INTS4: variants seen among roughly 807,000 people sequenced by gnomAD.
The protein encoded by INTS4 is integrator complex subunit 4.
INTS4 carries 70 observed loss-of-function variants against 119.5 expected under a neutral mutation model. The ratio of observed to expected loss-of-function variants is 0.59; its 90% confidence interval spans 0.48 to 0.71. INTS4 has a LOEUF of 0.71. INTS4 is among the 30% of genes least tolerant of loss of function. INTS4 has a pLI of 0.00. For synonymous variants in INTS4, 316 were observed against 419.6 expected (o/e 0.75, Z 3.02); for missense variants, 867 against 1,173.2 (o/e 0.74, Z 3.81).
Position 77,981,573 on chromosome 11 carries a change from T to C in INTS4, c.250A>G (p.Asn84Asp). The change falls in exon 3 of 23, where the codon AAT (asparagine) becomes GAT (aspartate). Residue 84 changes from asparagine to aspartate, a missense_variant. Physicochemically the swap from Asn to Asp is conservative, Grantham distance 23. Around this residue, in one of 5 missense-constraint regions of INTS4, gnomAD observed 224 missense variants for 231.8 expected, o/e 0.97. Transcript: ENST00000534064. ...RILLEHYYKE[N>D]DPSVRLKIAS... is the part of the protein sequence containing the mutation. The stretch of plus-strand genomic sequence containing the variant: ...ATTTTCAGTCTCACAGATGGATCAT[T>C]CTCCTGGAAAAAAAGAAGCAATTGT... 2 of 1,529,856 alleles carry C rather than the reference T, an allele frequency of 1.3e-6. No homozygotes were observed. The highest frequency in any genetic ancestry group is 1.8e-6 in the Non-Finnish European group (2 of 1,126,554). 94.8% of individuals were successfully genotyped at this position (1,529,856 alleles called of 1,614,324 possible).
At chr11:77,878,351 G>C (rs1266719440), downstream of INTS4, among the ~76,000 whole-genome samples, 1 of 147,636 alleles carries the variant, frequency 6.8e-6, no homozygotes, top group East Asian at 2.0e-4. Context: ...GACACAGCAA[G>C]ACTCCATCTC....
intron 9 of INTS4, 29 bp from the exon 10 acceptor site, chr11:77,938,854 G>A (rs764645240): frequency 1.2e-5 from 19 of 1,534,806 alleles, no homozygotes; most frequent in Non-Finnish European, 1.8e-6. Context: ...ATTACCAATT[G>A]TAGGAGGTTC....
chr11:77,928,297 G>T (rs558707595), intron 11 of INTS4, 45 bp downstream of exon 11: 10 of 1,598,448 alleles, frequency 6.3e-6, no homozygotes, highest in East Asian at 2.2e-5. Context: ...TTTAACAGGG[G>T]GGGGTGAGGG....
At chr11:77,959,934 T>G (rs1954423815) in intron 6 of INTS4, among the ~76,000 whole-genome samples, 1 of 152,184 alleles carries the variant, frequency 6.6e-6, no homozygotes, top group Non-Finnish European at 1.5e-5. Context: ...TGACTTTTTT[T>G]TTATATGATC....
chr11:77,926,548 C>T (rs948448639), intron 11 of INTS4, among the ~76,000 whole-genome samples: 35 of 152,024 alleles, frequency 2.3e-4, no homozygotes, highest in African/African-American at 6.8e-4. Flanking sequence ...TGGCTCACAC[C>T]ATAATCCCAG....
chr11:77,951,511 T>C (rs1368525766), intron 8 of INTS4, among the ~76,000 whole-genome samples: 3 of 152,070 alleles, frequency 2.0e-5, no homozygotes, highest in Non-Finnish European at 4.4e-5. Context: ...CAAAAATTAA[T>C]TCAAGATGGA....
At chr11:77,916,179 G>C (rs192201494) in intron 15 of INTS4, among the ~76,000 whole-genome samples, 1 of 152,340 alleles carries the variant, frequency 6.6e-6, no homozygotes, top group East Asian at 1.9e-4. Context: ...CAATAAACTT[G>C]ACTAAGATCA....
intron 11 of INTS4, among the ~76,000 whole-genome samples, chr11:77,928,133 T>C (rs1449967530): frequency 2.0e-5 from 3 of 152,190 alleles, no homozygotes; most frequent in Non-Finnish European, 2.9e-5. Context: ...TCCCTAGGCA[T>C]CCTATCCTTT....
chr11:77,968,864 C>T (rs566152779), intron 4 of INTS4, among the ~76,000 whole-genome samples: 1 of 152,042 alleles, frequency 6.6e-6, no homozygotes, highest in Non-Finnish European at 1.5e-5. Context: ...TTCATAGCAG[C>T]ATTATTCAAA....
Position 77,940,778 on chromosome 11 carries a change from A to C in INTS4, c.990+402T>G, listed in dbSNP as rs1382857761. 2.6e-5 allele frequency among the ~76,000 whole-genome samples: 4 copies of C among 152,244 alleles called. No individual in the cohort carries two copies. In the East Asian group the frequency reaches 7.7e-4, roughly 29 times the overall value. On this transcript the variant is annotated intron_variant, in intron 9 of 22. Coordinates refer to ENST00000534064, the MANE Select transcript of INTS4 (RefSeq NM_033547.4). ...CAGTCACCCAAGTAGCTAGGACTAC[A>C]GGCGCATGCCACCACACCTAGCTAA...
chr11:77,922,235 A>G lies in INTS4; in HGVS notation c.1630+121T>C. The G allele has an allele frequency of 5.9e-6, 8 of 1,356,786 alleles. No homozygotes were observed. The South Asian group carries it at 9.5e-5, about 16-fold the overall frequency. The allele number at this position is 1,356,786 out of a possible 1,614,324, so 84.0% of individuals were successfully genotyped here. On this transcript the variant is annotated intron_variant, in intron 13 of 22. Transcript: ENST00000534064. Reference sequence around the variant, plus strand: ...AGAATGAGACTCTGTCTTCAAAAAAAAAAAAAAAAAAGAAAGAAAAGCAAA... The same window carrying G: ...AGAATGAGACTCTGTCTTCAAAAAAGAAAAAAAAAAAGAAAGAAAAGCAAA...
chr11:77,953,096 A>G (rs1388139280), intron 8 of INTS4, among the ~76,000 whole-genome samples: 84 of 152,210 alleles, frequency 5.5e-4, no homozygotes, highest in Non-Finnish European at 1.2e-4. Context: ...ATCCATTACT[A>G]TATCTCATGA....
chr11:77,958,840 A>T lies in INTS4; in HGVS notation c.709-6T>A, dbSNP rs367580783. Reference sequence around the variant, plus strand: ...TCAGAGAGTAATTTACAGGCCTGCAAAGAAGAATTCCAAAAGTCTATTAGT... The same window carrying T: ...TCAGAGAGTAATTTACAGGCCTGCATAGAAGAATTCCAAAAGTCTATTAGT... On this transcript the variant is annotated splice_region_variant and splice_polypyrimidine_tract_variant and intron_variant, in intron 6 of 22. Coordinates refer to ENST00000534064, the MANE Select transcript of INTS4 (RefSeq NM_033547.4). The T allele has an allele frequency of 7.7e-6, 12 of 1,562,354 alleles. No homozygotes were observed. Among genetic ancestry groups the T allele is most frequent in the Non-Finnish European group, 9.7e-6 (11 of 1,135,966 alleles).
At chr11:77,920,373 G>C (rs1953328945) in intron 14 of INTS4, among the ~76,000 whole-genome samples, 1 of 150,778 alleles carries the variant, frequency 6.6e-6, no homozygotes, top group South Asian at 2.1e-4. Context: ...AAGCAGGGAT[G>C]AGTTAATGCA....
intron 4 of INTS4, among the ~76,000 whole-genome samples, chr11:77,976,972 T>G (rs1489353154): frequency 6.6e-6 from 1 of 152,128 alleles, no homozygotes; most frequent in Non-Finnish European, 1.5e-5. Flanking sequence ...ATATACCTAA[T>G]GTTAAATTAC....
At position 77,987,935 on chromosome 11, in the gene INTS4, C is replaced by T. The variant is rs141667182; in HGVS notation, c.246+3173G>A. Among the ~76,000 whole-genome samples the T allele has an allele frequency of 4.0e-3, 607 of 152,200 alleles. 2 individuals carry two copies. Among genetic ancestry groups the T allele is most frequent in the Middle Eastern group, 0.024 (7 of 294 alleles). ...CTTTGGGAGGCTGAGGTAGGTGAATCGCTTGAGCCCAGGAGTTTGAGACCA... is the reference window on the plus strand; with the variant it reads ...CTTTGGGAGGCTGAGGTAGGTGAATTGCTTGAGCCCAGGAGTTTGAGACCA... On this transcript the variant is annotated intron_variant, in intron 2 of 22. Coordinates refer to ENST00000534064, the MANE Select transcript of INTS4 (RefSeq NM_033547.4).
downstream of INTS4, chr11:77,877,097 CT>C (rs888008874): frequency 3.9e-5 from 27 of 700,028 alleles, no homozygotes; most frequent in Non-Finnish European, 6.5e-5. Context: ...CATTCTTCCC[CT>C]AGTCCCTCTT....
intron 21 of INTS4, among the ~76,000 whole-genome samples, chr11:77,889,803 T>TTTTAG (rs1238214726): frequency 1.3e-5 from 2 of 152,202 alleles, no homozygotes; most frequent in Non-Finnish European, 2.9e-5. Flanking sequence ...TCCCTCTACC[T>TTTTAG]ATAAGGTATC....
downstream of INTS4, chr11:77,878,644 T>C (rs1225185105): frequency 1.1e-5 from 7 of 625,552 alleles, no homozygotes; most frequent in Non-Finnish European, 1.1e-5. Flanking sequence ...ACCTGAGGAA[T>C]AGCATGTAAG....
Sources: allele counts gnomAD v4.1 joint callset (sites outside exome capture counted in the v4.1 genomes callset), GRCh38; gene constraint gnomAD v4.1.1; regional missense constraint gnomAD v4.1.1; transcripts MANE v1.5; gene names NCBI Gene and HGNC (gene_info 2026-07-23, HGNC 2026-07-21).